SLCO4A1: variants seen among roughly 807,000 people sequenced by gnomAD.
SLCO4A1 encodes colon organic anion transporter.
SLCO4A1 carries 51 observed loss-of-function variants against 64.6 expected under a neutral mutation model. That is an observed-to-expected ratio of 0.79 (90% CI 0.63 to 1.00). The LOEUF is 1.00. SLCO4A1 is among the 50% of genes least tolerant of loss of function. SLCO4A1 has a pLI of 0.00. For synonymous variants in SLCO4A1, 471 were observed against 444.9 expected (o/e 1.06, Z -0.74); for missense variants, 919 against 980.5 (o/e 0.94, Z 0.84).
downstream of SLCO4A1, among the ~76,000 whole-genome samples, chr20:62,673,616 A>G (rs1987434320): frequency 7.0e-6 from 1 of 143,642 alleles, no homozygotes; most frequent in Non-Finnish European, 1.6e-5. Context: ...TGCCCAGCCC[A>G]CCTTCTCGCC....
intron 1 of SLCO4A1, among the ~76,000 whole-genome samples, chr20:62,647,791 C>T (rs1316569113): frequency 6.6e-6 from 1 of 152,254 alleles, no homozygotes; most frequent in Admixed American, 6.5e-5. Context: ...CCAGTTCCCA[C>T]AGTCTGGGCT....
chr20:62,658,884 A>C, intron 3 of SLCO4A1, 117 bp downstream of exon 3: 1 of 863,950 alleles, frequency 1.2e-6, no homozygotes, highest in Non-Finnish European at 1.8e-6. Flanking sequence ...GGTGCTGGGC[A>C]CCCCCCGGGC....
At chr20:62,655,587 G>A (rs1022461144) in intron 1 of SLCO4A1, among the ~76,000 whole-genome samples, 4 of 152,164 alleles carry the variant, frequency 2.6e-5, no homozygotes, top group African/African-American at 4.8e-5. Context: ...GAGGGCAGTG[G>A]GGCAGGGGCA....
At chr20:62,686,316 C>T (rs562764445), downstream of SLCO4A1, among the ~76,000 whole-genome samples, 1 of 152,232 alleles carries the variant, frequency 6.6e-6, no homozygotes, top group African/African-American at 2.4e-5. Flanking sequence ...GTGACAGGCA[C>T]TTCCCTGTTT....
At chr20:62,668,650 G>C in intron 10 of SLCO4A1, 109 bp downstream of exon 10, 1 of 1,102,138 alleles carries the variant, frequency 9.1e-7, no homozygotes, top group South Asian at 1.2e-5. Context: ...GCAGGAGGCT[G>C]TTCCCGCCTG....
intron 11 of SLCO4A1, 54 bp from the exon 12 acceptor site, chr20:62,671,696 C>T: frequency 6.4e-7 from 1 of 1,561,264 alleles, no homozygotes; most frequent in Middle Eastern, 1.8e-4. Flanking sequence ...CCACCAGTAT[C>T]CAAAGGCTCT....
In SLCO4A1 at chr20:62,656,503, A is replaced by G. The variant is rs1205780289; in HGVS notation, c.49A>G (p.Asn17Asp). 16 of 1,549,516 alleles carry G rather than the reference A, an allele frequency of 1.0e-5. No individual in the cohort carries two copies. The African/African-American group carries it at 1.9e-4, about 18-fold the overall frequency. ...CAAGCCGCTCACCTTCCCCAGCCCC[A>G]ACTCAGCCATGGAAAACGGGCTTGA... The part of the protein sequence containing the change: ...GDKPLTFPSP[N>D]SAMENGLDHT... Residue 17 changes from asparagine to aspartate, a missense_variant, in exon 2 of 12, where the codon AAC becomes GAC. By Grantham distance (23) the Asn-to-Asp change is conservative. Transcript: ENST00000217159.
chr20:62,647,881 C>A (rs1981654447), intron 1 of SLCO4A1, among the ~76,000 whole-genome samples: 1 of 152,218 alleles, frequency 6.6e-6, no homozygotes. Context: ...AAGAGGTCAG[C>A]CGGATTCGCC....
chr20:62,665,228 G>A (rs1170551946), intron 6 of SLCO4A1, 140 bp downstream of exon 6: 1 of 947,188 alleles, frequency 1.1e-6, no homozygotes, highest in Non-Finnish European at 1.6e-6. Context: ...GAGCAGGTGT[G>A]GAGAGCGCCA....
intron 1 of SLCO4A1, among the ~76,000 whole-genome samples, chr20:62,652,522 A>T (rs1000860485): frequency 1.3e-5 from 2 of 152,190 alleles, no homozygotes; most frequent in African/African-American, 4.8e-5. Context: ...TGTGTTACAC[A>T]TGCTCCTGGG....
intron 1 of SLCO4A1, among the ~76,000 whole-genome samples, chr20:62,654,084 A>G (rs1983170584): frequency 6.6e-6 from 1 of 152,248 alleles, no homozygotes; most frequent in African/African-American, 2.4e-5. Flanking sequence ...GAGGCCAGGA[A>G]CCCAAAGTCC....
downstream of SLCO4A1, among the ~76,000 whole-genome samples, chr20:62,675,708 C>G (rs1376885722): frequency 6.6e-6 from 1 of 152,236 alleles, no homozygotes; most frequent in African/African-American, 2.4e-5. Flanking sequence ...ACAGGCCCCC[C>G]GCTTCTCCGG....
chr20:62,643,916 G>A (rs777228703), intron 1 of SLCO4A1, among the ~76,000 whole-genome samples: 10 of 152,216 alleles, frequency 6.6e-5, no homozygotes, highest in Non-Finnish European at 1.2e-4. Flanking sequence ...TGAGTAAACT[G>A]AGGCACCAAG....
chr20:62,671,318 T>TG (rs1245901765), intron 11 of SLCO4A1, among the ~76,000 whole-genome samples: 1 of 152,158 alleles, frequency 6.6e-6, no homozygotes, highest in Non-Finnish European at 1.5e-5. Flanking sequence ...CAGCTGCATG[T>TG]GGCCTTTCCC....
At chr20:62,673,002 C>T (rs1055721228), downstream of SLCO4A1, among the ~76,000 whole-genome samples, 13 of 115,850 alleles carry the variant, frequency 1.1e-4, 2 homozygotes, top group African/African-American at 2.8e-4. Context: ...AAACCCAATG[C>T]GTCGGTCAAG....
At chr20:62,655,471 C>T (rs1344411797) in intron 1 of SLCO4A1, among the ~76,000 whole-genome samples, 1 of 152,220 alleles carries the variant, frequency 6.6e-6, no homozygotes, top group African/African-American at 2.4e-5. Flanking sequence ...CACCTGGGTT[C>T]CCCAGAAGGC....
chr20:62,663,862 G>A (rs1985550778), intron 5 of SLCO4A1, among the ~76,000 whole-genome samples: 1 of 152,222 alleles, frequency 6.6e-6, no homozygotes, highest in Non-Finnish European at 1.5e-5. Flanking sequence ...TGCACTGGCT[G>A]GGAGGGCTTT....
chr20:62,686,675 T>C (rs1277403956), downstream of SLCO4A1, among the ~76,000 whole-genome samples: 1 of 152,220 alleles, frequency 6.6e-6, no homozygotes, highest in African/African-American at 2.4e-5. Context: ...GTACACTAAG[T>C]CTTAGCCATG....
chr20:62,643,216 G>A (rs2147050331), intron 1 of SLCO4A1: 1 of 344,618 alleles, frequency 2.9e-6, no homozygotes, highest in Non-Finnish European at 5.9e-6. Context: ...TGGCTTGGGG[G>A]GACCCGGGCG....
Sources: gnomAD v4.1 joint callset for allele counts (sites outside exome capture counted in the v4.1 genomes callset) on GRCh38, gnomAD v4.1.1 for gene constraint, MANE v1.5 for transcripts, NCBI Gene and HGNC (gene_info 2026-07-23, HGNC 2026-07-21) for gene names.